ROBO1: variants seen among roughly 807,000 people sequenced by gnomAD.
ROBO1 encodes the protein roundabout guidance receptor 1.
A neutral mutation model predicts 195.9 loss-of-function variants in ROBO1; 149 were observed. That is an observed-to-expected ratio of 0.76 (90% CI 0.67 to 0.87). ROBO1 has a LOEUF of 0.87. Ranked by LOEUF, ROBO1 falls within the 40% of genes least tolerant of loss-of-function variation. The pLI is 0.00. For missense variants in ROBO1, 1,933 were observed against 2,068.3 expected, an observed-to-expected ratio of 0.93 and a Z score of 1.27; for synonymous variants, 816 against 733.2, an observed-to-expected ratio of 1.11 and a Z score of -1.82.
At chr3:78,613,348 C>T (rs867287788) in intron 28 of ROBO1, among the ~76,000 whole-genome samples, 4 of 152,118 alleles carry the variant, frequency 2.6e-5, no homozygotes, top group Admixed American at 1.3e-4. Context: ...AGCCATAAAA[C>T]TTGAAAAATG....
At chr3:78,699,776 C>T (rs564064485) in intron 8 of ROBO1, among the ~76,000 whole-genome samples, 1 of 152,070 alleles carries the variant, frequency 6.6e-6, no homozygotes, top group South Asian at 2.1e-4. Flanking sequence ...CCCTACTGGC[C>T]TTCTTTCAGT....
intron 10 of ROBO1, among the ~76,000 whole-genome samples, chr3:78,675,086 G>C (rs1346701812): frequency 1.3e-5 from 2 of 151,770 alleles, no homozygotes; most frequent in African/African-American, 2.4e-5. Flanking sequence ...TTTTGAGAGA[G>C]ACAATCCTAG....
chr3:79,394,283 TG>T (rs1447441028), intron 2 of ROBO1, among the ~76,000 whole-genome samples: 1 of 152,118 alleles, frequency 6.6e-6, no homozygotes, highest in Non-Finnish European at 1.5e-5. Context: ...CACTTAAAAA[TG>T]TGGTAAGATC....
At chr3:78,884,599 AAGAG>A (rs989567760) in intron 4 of ROBO1, among the ~76,000 whole-genome samples, 24 of 137,192 alleles carry the variant, frequency 1.7e-4, no homozygotes, top group Non-Finnish European at 2.1e-4. Flanking sequence ...GAAAGAAAGA[AAGAG>A]AGAAAGAGAG....
intron 2 of ROBO1, among the ~76,000 whole-genome samples, chr3:79,220,187 G>C (rs528336278): frequency 1.3e-5 from 2 of 152,038 alleles, no homozygotes; most frequent in South Asian, 2.1e-4. Flanking sequence ...ATTATTGTAG[G>C]TATTTATTCT....
At chr3:79,301,235 T>C (rs950001953) in intron 2 of ROBO1, among the ~76,000 whole-genome samples, 3 of 151,594 alleles carry the variant, frequency 2.0e-5, no homozygotes, top group Admixed American at 1.3e-4. Flanking sequence ...TCCGCAAACA[T>C]CCGAACATCA....
intron 2 of ROBO1, among the ~76,000 whole-genome samples, chr3:79,197,018 C>T (rs559395924): frequency 6.6e-6 from 1 of 151,630 alleles, no homozygotes; most frequent in East Asian, 1.9e-4. Context: ...TTTCCCTATT[C>T]CTGTATGATA....
intron 3 of ROBO1, among the ~76,000 whole-genome samples, chr3:79,110,011 GAGA>G (rs1426367132): frequency 1.4e-4 from 22 of 152,212 alleles, no homozygotes; most frequent in Admixed American, 5.9e-4. Context: ...ACATTGGTAT[GAGA>G]AGCAACTGAG....
chr3:79,114,488 A>G (rs1238220501), intron 3 of ROBO1, among the ~76,000 whole-genome samples: 1 of 152,138 alleles, frequency 6.6e-6, no homozygotes, highest in African/African-American at 2.4e-5. Context: ...TGGGATGTTG[A>G]TTATCTCTGT....
Position 79,341,988 on chromosome 3 carries a change from C to A in ROBO1, c.89-216449G>T, listed in dbSNP as rs141840753. On this transcript the variant is annotated intron_variant, in intron 2 of 30. Transcript: ENST00000464233. ...AGGAGTTAGGAACAAATGTTTATTA[C>A]ATGTTGAGGGAAAATGAAAGAGAGG... Among the ~76,000 whole-genome samples the A allele has an allele frequency of 3.5e-4, 53 of 152,030 alleles. No homozygotes were observed. The East Asian group carries it at 4.1e-3, about 12-fold the overall frequency.
intron 2 of ROBO1, among the ~76,000 whole-genome samples, chr3:79,457,040 T>C (rs1002574941): frequency 6.6e-6 from 1 of 152,206 alleles, no homozygotes; most frequent in African/African-American, 2.4e-5. Flanking sequence ...CTCCAAGTAA[T>C]TTAATACTGG....
intron 26 of ROBO1, among the ~76,000 whole-genome samples, chr3:78,622,037 A>G (rs887214311): frequency 7.9e-5 from 12 of 152,170 alleles, no homozygotes; most frequent in Non-Finnish European, 1.6e-4. Flanking sequence ...TTTTCTAGAG[A>G]CTTTTACTAT....
chr3:78,832,386 A>G (rs935260510), intron 4 of ROBO1, among the ~76,000 whole-genome samples: 4 of 152,134 alleles, frequency 2.6e-5, no homozygotes, highest in Non-Finnish European at 5.9e-5. Flanking sequence ...TTTAAAGCAG[A>G]TCTCAGCCTA....
intron 3 of ROBO1, among the ~76,000 whole-genome samples, chr3:79,003,707 G>A (rs2077558033): frequency 6.6e-6 from 1 of 152,102 alleles, no homozygotes; most frequent in African/African-American, 2.4e-5. Flanking sequence ...TGGCTAGTTG[G>A]TAATGAAGCA....
intron 2 of ROBO1, among the ~76,000 whole-genome samples, chr3:79,555,345 G>T (rs141359396): frequency 3.2e-4 from 48 of 152,130 alleles, no homozygotes; most frequent in Non-Finnish European, 5.4e-4. Flanking sequence ...GAAAGTTACC[G>T]ATTCCTGAGA....
At chr3:78,711,327 C>CT (rs2081688866) in intron 8 of ROBO1, among the ~76,000 whole-genome samples, 3 of 95,988 alleles carry the variant, frequency 3.1e-5, no homozygotes, top group African/African-American at 1.2e-4. Context: ...CTCTCTCTCT[C>CT]CTTCCTTCCT....
At chr3:79,519,497 C>T (rs977006146) in intron 2 of ROBO1, among the ~76,000 whole-genome samples, 15 of 151,460 alleles carry the variant, frequency 9.9e-5, no homozygotes, top group African/African-American at 3.6e-4. Context: ...GGCGTGGTGG[C>T]GGGCGCCTGT....
At chr3:78,727,229 A>G (rs1358361044) in intron 5 of ROBO1, among the ~76,000 whole-genome samples, 1 of 152,026 alleles carries the variant, frequency 6.6e-6, no homozygotes, top group Non-Finnish European at 1.5e-5. Flanking sequence ...AATAATTCAT[A>G]TAATTCAGAT....
At chr3:79,048,563 T>C (rs746720411) in intron 3 of ROBO1, among the ~76,000 whole-genome samples, 1 of 152,150 alleles carries the variant, frequency 6.6e-6, no homozygotes, top group Non-Finnish European at 1.5e-5. Context: ...TATAACCATG[T>C]GCTGACTGCC....
Sources: gnomAD v4.1 joint callset for allele counts (sites outside exome capture counted in the v4.1 genomes callset) on GRCh38, gnomAD v4.1.1 for gene constraint, MANE v1.5 for transcripts, NCBI Gene and HGNC (gene_info 2026-07-23, HGNC 2026-07-21) for gene names.